SEC24D: variants seen among roughly 807,000 people sequenced by gnomAD.
SEC24D encodes the protein protein transport protein Sec24D.
SEC24D carries 69 observed loss-of-function variants against 116.9 expected under a neutral mutation model. The observed-to-expected ratio is 0.59, with a 90% CI of 0.49 to 0.72. The LOEUF (loss-of-function observed/expected upper bound fraction) is 0.72. Among genes scored for constraint, SEC24D ranks in the 30% least tolerant of loss-of-function variants. SEC24D has a pLI of 0.00. For missense variants in SEC24D, 1,131 were observed against 1,264.1 expected (o/e 0.89, Z 1.60); for synonymous variants, 405 against 442.8 (o/e 0.91, Z 1.07).
intron 13 of SEC24D, among the ~76,000 whole-genome samples, chr4:118,750,280 T>C (rs1726756995): frequency 5.9e-5 from 9 of 152,216 alleles, no homozygotes; most frequent in Admixed American, 5.2e-4. Context: ...TTCAGATACA[T>C]AGAATGCATG....
intron 21 of SEC24D, chr4:118,729,627 A>G (rs188705708): frequency 1.2e-4 from 18 of 152,344 alleles, no homozygotes; most frequent in Admixed American, 6.5e-5. Flanking sequence ...CTACAGGCCA[A>G]TCCAGCTGCA....
chr4:118,807,780 C>T (rs1277581643), intron 6 of SEC24D, among the ~76,000 whole-genome samples: 2 of 152,090 alleles, frequency 1.3e-5, no homozygotes, highest in African/African-American at 4.8e-5. Context: ...GTCTTCCCTC[C>T]TAATTTCATA....
At chr4:118,753,039 T>C (rs898320229) in intron 11 of SEC24D, 151 bp from the exon 12 acceptor site, 1 of 549,888 alleles carries the variant, frequency 1.8e-6, no homozygotes, top group Non-Finnish European at 3.0e-6. Context: ...GTGTAAACAA[T>C]ACTAGTCACG....
At chr4:118,789,014 A>G (rs929734345) in intron 8 of SEC24D, among the ~76,000 whole-genome samples, 1 of 152,230 alleles carries the variant, frequency 6.6e-6, no homozygotes, top group African/African-American at 2.4e-5. Context: ...AGACTTTAAG[A>G]ACTCTAAAAT....
At chr4:118,741,080 A>G in intron 15 of SEC24D, 43 bp from the exon 16 acceptor site, 1 of 922,178 alleles carries the variant, frequency 1.1e-6, no homozygotes, top group Non-Finnish European at 1.7e-6. Context: ...GATGGCAGTA[A>G]AATACTTAAA....
At chr4:118,742,485 G>T (rs761841943) in intron 15 of SEC24D, among the ~76,000 whole-genome samples, 1 of 152,192 alleles carries the variant, frequency 6.6e-6, no homozygotes, top group Non-Finnish European at 1.5e-5. Flanking sequence ...GGTAGAATCA[G>T]TAAGGGTCAG....
intron 22 of SEC24D, among the ~76,000 whole-genome samples, chr4:118,728,030 T>C (rs1285463775): frequency 1.3e-5 from 2 of 152,106 alleles, no homozygotes; most frequent in Non-Finnish European, 2.9e-5. Context: ...GAGACTCTAA[T>C]ATTGAGCTTG....
intron 8 of SEC24D, among the ~76,000 whole-genome samples, chr4:118,775,345 C>CAAAAAAAAAA (rs55740002): frequency 1.7e-5 from 2 of 114,526 alleles, no homozygotes; most frequent in Non-Finnish European, 3.3e-5. Context: ...AGCAAAAGGT[C>CAAAAAAAAAA]AAAAAAAAAA....
intron 7 of SEC24D, among the ~76,000 whole-genome samples, chr4:118,799,884 G>A (rs1248303914): frequency 6.6e-6 from 1 of 152,162 alleles, no homozygotes; most frequent in Non-Finnish European, 1.5e-5. Flanking sequence ...AAGAGTGCTA[G>A]CTGGTAAGGG....
rs1265632529 is a variant in SEC24D, at chr4:118,764,840, C to T, written c.1258G>A (p.Gly420Arg). Reference protein sequence around the residue: ...DHYEKPELSLGSYEYVATLDY... With the variant: ...DHYEKPELSLRSYEYVATLDY... ...AAAGTGGCAACATATTCATAAGATC[C>T]TAGAGATAACTCTGGTTTCTCATAG... The change falls in exon 10 of 23, where the codon GGA becomes AGA. Residue 420 changes from glycine (G) to arginine (R), a missense_variant. Gly to Arg is a moderately radical substitution (Grantham distance 125). Coordinates refer to ENST00000280551, the MANE Select transcript of SEC24D (RefSeq NM_014822.4). 1 of 1,609,188 alleles carries T rather than the reference C, an allele frequency of 6.2e-7. No individual in the cohort carries two copies. The highest frequency in any genetic ancestry group is 1.3e-5 in the African/African-American group (1 of 74,796).
chr4:118,781,493 C>T (rs1419649037), intron 8 of SEC24D, among the ~76,000 whole-genome samples: 1 of 152,134 alleles, frequency 6.6e-6, no homozygotes, highest in East Asian at 1.9e-4. Flanking sequence ...GTGGGTAACC[C>T]GACCTTTCTC....
intron 2 of SEC24D, 160 bp downstream of exon 2, chr4:118,833,419 A>C: frequency 1.8e-6 from 1 of 563,228 alleles, no homozygotes; most frequent in African/African-American, 1.9e-5. Context: ...AGTGATGTAG[A>C]GTTCTGCTAT....
At position 118,764,933 on chromosome 4, in the gene SEC24D, T is replaced by C. The variant is rs775585902; in HGVS notation, c.1181-16A>G. The C allele has an allele frequency of 1.4e-5, 19 of 1,361,022 alleles. No individual in the cohort carries two copies. Among genetic ancestry groups the C allele is most frequent in the Non-Finnish European group, 1.9e-5 (18 of 956,162 alleles). 84.3% of individuals were successfully genotyped at this position (1,361,022 alleles called of 1,614,324 possible). ...AATGGTGGAACTAATAAAAACAAAA[T>C]AGGAAAGAAAATATTTTGTTTTCAT... On this transcript the variant is annotated splice_polypyrimidine_tract_variant and intron_variant, in intron 9 of 22. Coordinates refer to ENST00000280551, the MANE Select transcript of SEC24D (RefSeq NM_014822.4).
chr4:118,761,462 G>T (rs1216301806), intron 10 of SEC24D, among the ~76,000 whole-genome samples: 1 of 152,156 alleles, frequency 6.6e-6, no homozygotes, highest in Admixed American at 6.5e-5. Context: ...AAAATAAAAA[G>T]ATAGACTGCG....
intron 6 of SEC24D, among the ~76,000 whole-genome samples, chr4:118,806,249 GACA>G (rs1259671299): frequency 2.0e-5 from 3 of 152,144 alleles, no homozygotes; most frequent in Admixed American, 6.5e-5. Context: ...CTTCAAATCT[GACA>G]ACGTGACCCT....
chr4:118,726,450 G>A (rs911500729), intron 22 of SEC24D, among the ~76,000 whole-genome samples: 2 of 152,204 alleles, frequency 1.3e-5, no homozygotes, highest in African/African-American at 4.8e-5. Context: ...GTGGAGAGAT[G>A]AGAAGAAGGA....
rs368986868 is a variant in SEC24D at position 118,744,022 on chromosome 4, G to C, written c.1961C>G (p.Thr654Ser). ...VASLGLVPQL[T>S]GGTLYKYNNF... ...GTTGTATTTGTAAAGGGTTCCTCCA[G>C]TGAGCTGAGGAACCAGCCCCAGCGA... The change falls in exon 15 of 23, where the codon ACT becomes AGT. Residue 654 changes from threonine to serine, a missense_variant. By Grantham distance (58) the Thr-to-Ser change is moderately conservative. Transcript: ENST00000280551. The C allele has an allele frequency of 1.2e-6, 2 of 1,610,406 alleles. No homozygotes were observed. Among genetic ancestry groups the C allele is most frequent in the Non-Finnish European group, 8.5e-7 (1 of 1,178,868 alleles).
Position 118,757,741 on chromosome 4 carries a change from G to C in SEC24D, c.1401C>G (p.Thr467=), listed in dbSNP as rs1369369872. 2 of 1,605,270 alleles carry C rather than the reference G, an allele frequency of 1.2e-6. No individual in the cohort carries two copies. The highest frequency in any genetic ancestry group is 1.1e-5 in the South Asian group (1 of 89,112). ...CTTACTTTGGAATTTTTTCCAGCAT[G>C]GTCTTCAGTTCTTCACATATGAGCT... ...LVKLICEELK[T]MLEKIPKEEQ... Residue 467 remains threonine, a synonymous_variant, in exon 11 of 23, where the codon ACC becomes ACG. Transcript: ENST00000280551.
intron 8 of SEC24D, among the ~76,000 whole-genome samples, chr4:118,791,483 G>A (rs1728892443): frequency 6.6e-6 from 1 of 152,090 alleles, no homozygotes; most frequent in African/African-American, 2.4e-5. Flanking sequence ...TGATAATTAA[G>A]TAAATAAATA....
Sources: gnomAD v4.1 joint callset for allele counts (sites outside exome capture counted in the v4.1 genomes callset) on GRCh38, gnomAD v4.1.1 for gene constraint, MANE v1.5 for transcripts, NCBI Gene and HGNC (gene_info 2026-07-23, HGNC 2026-07-21) for gene names.